NRXN3: variants seen among roughly 807,000 people sequenced by gnomAD.
NRXN3 encodes the protein neurexin III.
A neutral mutation model predicts 137.6 loss-of-function variants in NRXN3; 32 were observed. The observed-to-expected ratio is 0.23, with a 90% CI of 0.18 to 0.31. The LOEUF (loss-of-function observed/expected upper bound fraction) is 0.31, where lower values mean the gene tolerates loss of function less well. Among genes scored for constraint, NRXN3 ranks in the 10% least tolerant of loss-of-function variants. NRXN3 has a pLI of 1.00. For missense variants in NRXN3, 1,574 were observed against 2,062.5 expected (o/e 0.76, Z 4.59); for synonymous variants, 798 against 784.5 (o/e 1.02, Z -0.29).
At chr14:79,008,386 T>C (rs2099559328) in intron 15 of NRXN3, among the ~76,000 whole-genome samples, 1 of 152,210 alleles carries the variant, frequency 6.6e-6, no homozygotes, top group Non-Finnish European at 1.5e-5. Context: ...CTTTTTTGCT[T>C]TTTAAAGTTT....
At chr14:79,798,129 G>T (rs1039668936) in intron 19 of NRXN3, among the ~76,000 whole-genome samples, 5 of 151,562 alleles carry the variant, frequency 3.3e-5, no homozygotes, top group African/African-American at 1.2e-4. Flanking sequence ...TCATCCAGTT[G>T]TATGTGTGGG....
At chr14:79,391,570 A>G (rs2094845503) in intron 15 of NRXN3, among the ~76,000 whole-genome samples, 1 of 152,234 alleles carries the variant, frequency 6.6e-6, no homozygotes, top group Non-Finnish European at 1.5e-5. Flanking sequence ...ATGCATAATT[A>G]GTGTCTTCAA....
At chr14:79,096,607 A>C (rs2050384317) in intron 15 of NRXN3, among the ~76,000 whole-genome samples, 1 of 12,618 alleles carries the variant, frequency 7.9e-5, no homozygotes, top group Non-Finnish European at 6.1e-4. Flanking sequence ...ATGTGTAAAA[A>C]TAAAAAAAAA....
intron 20 of NRXN3, among the ~76,000 whole-genome samples, chr14:79,833,122 G>C (rs2099328281): frequency 1.3e-5 from 2 of 152,134 alleles, no homozygotes. Flanking sequence ...AGCCTGAAAT[G>C]ATAAGTTGTT....
chr14:79,476,657 A>G (rs1048125886), intron 16 of NRXN3, among the ~76,000 whole-genome samples: 1 of 152,106 alleles, frequency 6.6e-6, no homozygotes, highest in African/African-American at 2.4e-5. Flanking sequence ...TGATACCATT[A>G]CTATCACTTT....
chr14:78,244,149 G>A (rs996618292), intron 2 of NRXN3, among the ~76,000 whole-genome samples: 5 of 152,168 alleles, frequency 3.3e-5, no homozygotes, highest in African/African-American at 1.2e-4. Flanking sequence ...GGGAATTTCG[G>A]CTAGGCAAGG....
chr14:78,243,874 C>T lies in NRXN3; in HGVS notation c.709+72C>T. 1 of 1,142,862 alleles carries T rather than the reference C, an allele frequency of 8.7e-7. No individual in the cohort carries two copies. Among genetic ancestry groups the T allele is most frequent in the Non-Finnish European group, 1.2e-6 (1 of 804,566 alleles). 70.8% of individuals were successfully genotyped at this position (1,142,862 alleles called of 1,614,324 possible). A position where few individuals can be genotyped will look rare whatever the true frequency, so the allele number is the denominator to read the frequency against. On this transcript the variant is annotated intron_variant, in intron 2 of 20. Transcript: ENST00000335750. The surrounding 1 kb of genome is among the most constrained non-coding windows in gnomAD (Gnocchi z 4.2). The stretch of plus-strand genomic sequence containing the variant: ...TGAGGCTGGGGCTCCTGATACAAAC[C>T]AGTTCTATATGGATGCATATCTTTA...
At chr14:79,798,670 C>A (rs940251922) in intron 19 of NRXN3, among the ~76,000 whole-genome samples, 2 of 152,094 alleles carry the variant, frequency 1.3e-5, no homozygotes, top group African/African-American at 4.8e-5. Context: ...AATTGATTAT[C>A]CCTCAAAATG....
chr14:79,395,336 G>A (rs2094983026), intron 15 of NRXN3, among the ~76,000 whole-genome samples: 1 of 152,142 alleles, frequency 6.6e-6, no homozygotes, highest in African/African-American at 2.4e-5. Flanking sequence ...CTTCTGCCTT[G>A]CTTGGTATGT....
At chr14:78,718,247 C>T (rs2098443382) in intron 8 of NRXN3, among the ~76,000 whole-genome samples, 1 of 152,088 alleles carries the variant, frequency 6.6e-6, no homozygotes, top group African/African-American at 2.4e-5. Flanking sequence ...CTGTGTGTCC[C>T]AGTAGCTCAA....
At chr14:78,287,249 T>C (rs2075279750) in intron 3 of NRXN3, among the ~76,000 whole-genome samples, 1 of 152,182 alleles carries the variant, frequency 6.6e-6, no homozygotes, top group Admixed American at 6.5e-5. Context: ...GAAGGGAAGA[T>C]GGGATGATGA....
chr14:78,871,575 A>C (rs1162363294), intron 10 of NRXN3, among the ~76,000 whole-genome samples: 1 of 152,084 alleles, frequency 6.6e-6, no homozygotes, highest in African/African-American at 2.4e-5. Context: ...GGCATTATTT[A>C]ATTCAGTAAA....
At chr14:79,858,601 A>AAAAGAAC (rs1267977356) in intron 20 of NRXN3, among the ~76,000 whole-genome samples, 1 of 152,168 alleles carries the variant, frequency 6.6e-6, no homozygotes, top group Non-Finnish European at 1.5e-5. Flanking sequence ...TTTGTGCCAG[A>AAAAGAAC]AAAGAACACA....
At chr14:78,253,683 A>G (rs1042762674) in intron 2 of NRXN3, among the ~76,000 whole-genome samples, 4 of 152,164 alleles carry the variant, frequency 2.6e-5, no homozygotes, top group African/African-American at 9.7e-5. Flanking sequence ...CAGAAAAAAA[A>G]AGAAAAAAAC....
At chr14:79,084,823 A>G (rs1006362543) in intron 15 of NRXN3, among the ~76,000 whole-genome samples, 9 of 152,142 alleles carry the variant, frequency 5.9e-5, no homozygotes, top group African/African-American at 1.9e-4. Context: ...CCTTCTGCTT[A>G]CTGTTCTGGT....
Position 79,467,243 on chromosome 14 carries a change from GA to G in NRXN3, c.3289del (p.Ser1097ValfsTer30). 3 of 1,602,672 alleles carry G rather than the reference GA, an allele frequency of 1.9e-6. No homozygotes were observed. The highest frequency in any genetic ancestry group is 2.2e-5 in the East Asian group (1 of 44,478). ...NDPGATYIFG[K>X]SGGLILYTWP... Reference sequence around the variant, plus strand: ...CAGCTGGCGCTACGTACATCTTTGGGAAAAGTGGTGGGCTTATCCTCTACAC... The same window carrying G: ...CAGCTGGCGCTACGTACATCTTTGGGAAAGTGGTGGGCTTATCCTCTACAC... On this transcript the variant is annotated frameshift_variant, in exon 16 of 21. Transcript: ENST00000335750. LOFTEE classifies it high-confidence loss of function.
intron 10 of NRXN3, among the ~76,000 whole-genome samples, chr14:78,900,317 C>T (rs925100791): frequency 3.3e-5 from 5 of 151,858 alleles, no homozygotes; most frequent in Non-Finnish European, 7.4e-5. Flanking sequence ...GGGAATTTGG[C>T]CTTTGGAGCC....
At chr14:78,957,213 C>G (rs2099398498) in intron 10 of NRXN3, 29 bp from the exon 11 acceptor site, 1 of 1,610,756 alleles carries the variant, frequency 6.2e-7, no homozygotes, top group Admixed American at 1.7e-5. Flanking sequence ...AGAATTGATT[C>G]TAACTTTGGC....
chr14:79,473,806 T>G (rs2096535862), intron 16 of NRXN3, among the ~76,000 whole-genome samples: 1 of 95,016 alleles, frequency 1.1e-5, no homozygotes, highest in African/African-American at 4.3e-5. Context: ...TTCCAGATCA[T>G]TAGCCACTTA....
Sources: allele counts gnomAD v4.1 joint callset (sites outside exome capture counted in the v4.1 genomes callset), GRCh38; gene constraint gnomAD v4.1.1; non-coding constraint Gnocchi (gnomAD v3.1); transcripts MANE v1.5; gene names NCBI Gene and HGNC (gene_info 2026-07-23, HGNC 2026-07-21).